Variants in CLIC5 observed in about 807,000 individuals in gnomAD.
CLIC5 encodes the protein chloride intracellular channel protein 5.
CLIC5 carries 20 observed loss-of-function variants against 24.7 expected under a neutral mutation model. That is an observed-to-expected ratio of 0.81 (90% confidence interval 0.57 to 1.18). The LOEUF (loss-of-function observed/expected upper bound fraction) is 1.18. Ranked by LOEUF, CLIC5 falls within the 50% of genes most tolerant of loss-of-function variation. The probability of loss-of-function intolerance (pLI) is 0.00; values close to 1 mark genes in which losing one functional copy is unlikely to be tolerated. For synonymous variants in CLIC5, 159 were observed against 135.6 expected (o/e 1.17, Z -1.20); for missense variants, 341 against 326.1 (o/e 1.05, Z -0.35).
intron 2 of CLIC5, among the ~76,000 whole-genome samples, chr6:45,952,177 A>G (rs1764492941): frequency 6.6e-6 from 1 of 152,120 alleles, no homozygotes; most frequent in Admixed American, 6.5e-5. Context: ...AATTGTGGCC[A>G]CTGGAGTCAG....
At chr6:45,967,398 G>C (rs539687152) in intron 1 of CLIC5, among the ~76,000 whole-genome samples, 1 of 152,338 alleles carries the variant, frequency 6.6e-6, no homozygotes, top group African/African-American at 2.4e-5. Flanking sequence ...TAGTAGTAGA[G>C]AATGGGTGGA....
chr6:45,916,194 G>T (rs1270798622), intron 4 of CLIC5, among the ~76,000 whole-genome samples: 2 of 152,218 alleles, frequency 1.3e-5, no homozygotes, highest in Non-Finnish European at 2.9e-5. Flanking sequence ...GTTGGGCATA[G>T]TTTCTCAATA....
At chr6:46,037,277 T>C (rs915224182) in intron 1 of CLIC5, among the ~76,000 whole-genome samples, 1 of 152,222 alleles carries the variant, frequency 6.6e-6, no homozygotes, top group Non-Finnish European at 1.5e-5. Flanking sequence ...TTGGTCACAA[T>C]TTATCCACTG....
chr6:46,092,975 A>G, the CLIC5 span, among the ~76,000 whole-genome samples: 2 of 152,140 alleles, frequency 1.3e-5, no homozygotes. Flanking sequence ...CTCTAATCCA[A>G]AAACTTATCT....
At chr6:45,982,424 A>T (rs1424808286) in intron 1 of CLIC5, among the ~76,000 whole-genome samples, 1 of 152,072 alleles carries the variant, frequency 6.6e-6, no homozygotes, top group African/African-American at 2.4e-5. Context: ...TGAGAAAGGG[A>T]TCTTTAGGTG....
At chr6:45,890,628 C>T (rs1168407704) in intron 6 of CLIC5, among the ~76,000 whole-genome samples, 3 of 152,156 alleles carry the variant, frequency 2.0e-5, no homozygotes, top group Non-Finnish European at 4.4e-5. Flanking sequence ...TTCATTGCAG[C>T]ATTCACAATA....
chr6:46,035,400 T>C (rs768138475), intron 1 of CLIC5, among the ~76,000 whole-genome samples: 1 of 152,232 alleles, frequency 6.6e-6, no homozygotes, highest in Non-Finnish European at 1.5e-5. Context: ...TTTAAACAAA[T>C]ATATTGTTTA....
chr6:46,011,929 G>A (rs1766823735), intron 1 of CLIC5, among the ~76,000 whole-genome samples: 1 of 152,164 alleles, frequency 6.6e-6, no homozygotes, highest in Non-Finnish European at 1.5e-5. Flanking sequence ...AATCAGGGAC[G>A]TGCAGGTCCA....
intron 4 of CLIC5, among the ~76,000 whole-genome samples, chr6:45,935,265 G>A (rs1763887992): frequency 6.6e-6 from 1 of 152,164 alleles, no homozygotes; most frequent in Admixed American, 6.5e-5. Flanking sequence ...CAAACCCAAG[G>A]AGCCAAAGGG....
At chr6:46,080,227 A>G in exon 1 of CLIC5, 1 of 1,550,842 alleles carries the variant, frequency 6.4e-7, no homozygotes, top group Non-Finnish European at 8.7e-7. Context: ...ATGGTGCTGT[A>G]GTCTTCGTCA....
intron 1 of CLIC5, among the ~76,000 whole-genome samples, chr6:45,995,988 G>C (rs1766123165): frequency 6.6e-6 from 1 of 151,988 alleles, no homozygotes; most frequent in African/African-American, 2.4e-5. Flanking sequence ...GGGGGAGAGA[G>C]AGCATTAGGA....
At chr6:46,019,413 G>A (rs1329229586), upstream of CLIC5, among the ~76,000 whole-genome samples, 3 of 152,112 alleles carry the variant, frequency 2.0e-5, no homozygotes, top group South Asian at 2.1e-4. Context: ...TGGGCCGGGC[G>A]CGGTGGCTCA....
At chr6:45,908,565 A>T (rs1762725235) in intron 5 of CLIC5, among the ~76,000 whole-genome samples, 2 of 152,060 alleles carry the variant, frequency 1.3e-5, no homozygotes, top group South Asian at 4.2e-4. Context: ...GTTTAATTTC[A>T]TGTAATTGTG....
chr6:45,941,028 C>T (rs968518584), intron 4 of CLIC5, among the ~76,000 whole-genome samples: 1 of 152,176 alleles, frequency 6.6e-6, no homozygotes, highest in African/African-American at 2.4e-5. Flanking sequence ...TGAGGAGTGG[C>T]TTTCCAGGGC....
intron 4 of CLIC5, among the ~76,000 whole-genome samples, chr6:45,928,790 GT>G: frequency 2.6e-5 from 4 of 150,986 alleles, no homozygotes; most frequent in African/African-American, 9.9e-5. Context: ...GTGTGTGTGT[GT>G]GTGTAGAGAG....
intron 1 of CLIC5, among the ~76,000 whole-genome samples, chr6:45,979,951 C>CTTTTTTTTTTTTTT (rs3997321): frequency 7.4e-5 from 7 of 95,042 alleles, no homozygotes; most frequent in Non-Finnish European, 1.0e-4. Flanking sequence ...GACTTAGTCA[C>CTTTTTTTTTTTTTT]TTTTTTTTTT....
At chr6:45,921,639 T>C (rs1454892428) in intron 4 of CLIC5, among the ~76,000 whole-genome samples, 1 of 150,552 alleles carries the variant, frequency 6.6e-6, no homozygotes, top group Non-Finnish European at 1.5e-5. Context: ...AAGGCAGAAA[T>C]TCAGTGTCTG....
chr6:45,883,052 G>A (rs903657145), intron 6 of CLIC5, among the ~76,000 whole-genome samples: 6 of 152,216 alleles, frequency 3.9e-5, no homozygotes, highest in East Asian at 3.8e-4. Context: ...TGGAGATTCC[G>A]AGCTGGTGGG....
At chr6:45,965,096 G>A (rs1466710793) in intron 1 of CLIC5, among the ~76,000 whole-genome samples, 1 of 152,182 alleles carries the variant, frequency 6.6e-6, no homozygotes, top group South Asian at 2.1e-4. Context: ...CTAGCGTTCA[G>A]GGTTTTGTGT....
Sources: gnomAD v4.1 joint callset for allele counts (sites outside exome capture counted in the v4.1 genomes callset) on GRCh38, gnomAD v4.1.1 for gene constraint, MANE v1.5 for transcripts, NCBI Gene and HGNC (gene_info 2026-07-23, HGNC 2026-07-21) for gene names.